The following PKN2 variants were observed in gnomAD, a reference collection of about 807,000 sequenced individuals.
PKN2 encodes the protein protein kinase N2.
A neutral mutation model predicts 119.1 loss-of-function variants in PKN2; 38 were observed. That is an observed-to-expected ratio of 0.32 (90% CI 0.25 to 0.42). The LOEUF is 0.42. PKN2 is among the 10% of genes least tolerant of loss of function. The probability of loss-of-function intolerance (pLI) is 1.00; values close to 1 mark genes in which losing one functional copy is unlikely to be tolerated. For missense variants in PKN2, 850 were observed against 1,165.1 expected (o/e 0.73, Z 3.94); for synonymous variants, 390 against 384.9 (o/e 1.01, Z -0.15).
intron 9 of PKN2, 95 bp downstream of exon 9, chr1:88,804,629 G>C (rs1223896453): frequency 8.0e-7 from 1 of 1,255,052 alleles, no homozygotes; most frequent in Non-Finnish European, 1.1e-6. Flanking sequence ...TAGGCTGAAA[G>C]ACAGATGACT....
At position 88,828,642 on chromosome 1, in the gene PKN2, G is replaced by T; in HGVS notation, c.2562+19G>T. ...TGGTGAGGTAAGCAGTGTGAAATAG[G>T]TAAGAGAACAGAGGAAGGATGATTG... On this transcript the variant is annotated intron_variant, in intron 19 of 21. Coordinates refer to ENST00000370521, the MANE Select transcript of PKN2 (RefSeq NM_006256.4). 1 of 1,590,038 alleles carries T rather than the reference G, an allele frequency of 6.3e-7. No individual in the cohort carries two copies. Among genetic ancestry groups the T allele is most frequent in the Non-Finnish European group, 8.6e-7 (1 of 1,162,026 alleles).
At chr1:88,828,679 C>T (rs947838098) in intron 19 of PKN2, 56 bp downstream of exon 19, 5 of 1,477,670 alleles carry the variant, frequency 3.4e-6, no homozygotes, top group Admixed American at 1.8e-5. Context: ...AATAATAAAG[C>T]ATGTCATTTA....
At chr1:88,779,988 A>G (rs1338503518) in intron 6 of PKN2, among the ~76,000 whole-genome samples, 1 of 152,200 alleles carries the variant, frequency 6.6e-6, no homozygotes. Context: ...TACTAGCTCA[A>G]GGTAGTTACA....
chr1:88,806,177 A>G (rs1671530296), intron 12 of PKN2, 160 bp downstream of exon 12: 1 of 666,976 alleles, frequency 1.5e-6, no homozygotes. Context: ...TTTTTGAGAC[A>G]GAGTTTCACT....
At chr1:88,816,393 C>T (rs576203500) in intron 16 of PKN2, among the ~76,000 whole-genome samples, 5 of 151,804 alleles carry the variant, frequency 3.3e-5, no homozygotes, top group African/African-American at 9.6e-5. Flanking sequence ...ACTACAGGCG[C>T]GTGCCACCAT....
rs1004026198 is a variant in PKN2, at chr1:88,741,262, T to C, written c.323T>C (p.Val108Ala). 8.8e-6 allele frequency: 14 copies of C among 1,586,824 alleles called. No individual in the cohort carries two copies. Among genetic ancestry groups the C allele is most frequent in the Non-Finnish European group, 1.2e-5 (14 of 1,170,686 alleles). ...HKLQELNAHI[V>A]VSDPEDITDC... is the part of the protein sequence containing the mutation. Reference sequence around the variant, plus strand: ...CTGCAGGAATTAAATGCACATATTGTTGTATCAGATCCAGAAGATATTACA... The same window carrying C: ...CTGCAGGAATTAAATGCACATATTGCTGTATCAGATCCAGAAGATATTACA... Residue 108 changes from valine (V) to alanine (A), a missense_variant, in exon 2 of 22, where the codon GTT becomes GCT. This residue lies in a region of PKN2 where 350 missense variants were observed against 511.1 expected (regional missense o/e 0.68). Coordinates refer to ENST00000370521, the MANE Select transcript of PKN2 (RefSeq NM_006256.4).
At chr1:88,769,982 G>T (rs1189501472) in intron 3 of PKN2, among the ~76,000 whole-genome samples, 2 of 152,186 alleles carry the variant, frequency 1.3e-5, no homozygotes, top group African/African-American at 4.8e-5. Context: ...AGGGGTAACT[G>T]TAGAAGGTGA....
intron 8 of PKN2, among the ~76,000 whole-genome samples, chr1:88,797,359 G>A (rs1671116792): frequency 6.7e-6 from 1 of 149,976 alleles, no homozygotes; most frequent in African/African-American, 2.4e-5. Flanking sequence ...GAAAGAAAAT[G>A]TCTTCCAGGT....
intron 1 of PKN2, among the ~76,000 whole-genome samples, chr1:88,719,686 T>A (rs1431597660): frequency 1.3e-5 from 2 of 152,098 alleles, no homozygotes; most frequent in African/African-American, 2.4e-5. Flanking sequence ...ACACTGGGAG[T>A]TTTTGTGATA....
chr1:88,811,739 A>G (rs1156695541), intron 15 of PKN2, among the ~76,000 whole-genome samples: 3 of 152,216 alleles, frequency 2.0e-5, no homozygotes, highest in Non-Finnish European at 4.4e-5. Context: ...CACCTCTAGG[A>G]TATATCCCAA....
intron 2 of PKN2, among the ~76,000 whole-genome samples, chr1:88,756,964 C>A (rs1669231228): frequency 6.6e-6 from 1 of 152,120 alleles, no homozygotes; most frequent in African/African-American, 2.4e-5. Context: ...CCCTGTATTA[C>A]ATGGTTTGTA....
At chr1:88,793,805 A>T (rs1278181008) in intron 8 of PKN2, among the ~76,000 whole-genome samples, 3 of 152,180 alleles carry the variant, frequency 2.0e-5, no homozygotes, top group African/African-American at 7.2e-5. Flanking sequence ...TATATAAATT[A>T]TTATACTGTA....
At chr1:88,813,080 AT>A (rs1671844157) in intron 15 of PKN2, among the ~76,000 whole-genome samples, 1 of 152,188 alleles carries the variant, frequency 6.6e-6, no homozygotes, top group South Asian at 2.1e-4. Flanking sequence ...TTAAAATTTT[AT>A]GCAGCATATC....
chr1:88,713,087 C>T (rs1331752117), intron 1 of PKN2, among the ~76,000 whole-genome samples: 2 of 152,176 alleles, frequency 1.3e-5, no homozygotes, highest in Non-Finnish European at 1.5e-5. Flanking sequence ...ATCCATGTCC[C>T]TACAAAGGAA....
chr1:88,702,937 A>T (rs1269452765), intron 1 of PKN2, among the ~76,000 whole-genome samples: 2 of 152,104 alleles, frequency 1.3e-5, no homozygotes, highest in Non-Finnish European at 2.9e-5. Context: ...TGATGCAGTG[A>T]TATTTTGTGT....
intron 1 of PKN2, among the ~76,000 whole-genome samples, chr1:88,739,927 C>T (rs1487431483): frequency 6.6e-6 from 1 of 151,950 alleles, no homozygotes; most frequent in East Asian, 1.9e-4. Flanking sequence ...GAGTACTTAG[C>T]CTTGAAGTAT....
intron 1 of PKN2, among the ~76,000 whole-genome samples, chr1:88,721,733 A>G (rs1667689423): frequency 6.6e-6 from 1 of 152,204 alleles, no homozygotes; most frequent in Non-Finnish European, 1.5e-5. Context: ...TTTTTTGCAT[A>G]GTAGGCTCAC....
intron 1 of PKN2, chr1:88,684,872 A>G (rs1666013936): frequency 2.2e-6 from 1 of 447,574 alleles, no homozygotes; most frequent in Non-Finnish European, 4.0e-6. Flanking sequence ...ACCAGAGGGG[A>G]CCCCATCTCT....
intron 1 of PKN2, among the ~76,000 whole-genome samples, chr1:88,692,327 A>G (rs115287883): frequency 0.019 from 2,959 of 152,212 alleles, 95 homozygotes; most frequent in African/African-American, 0.067. Flanking sequence ...CAAAGATCCT[A>G]TGGACAGTCT....
Sources: gnomAD v4.1 joint callset for allele counts (sites outside exome capture counted in the v4.1 genomes callset) on GRCh38, gnomAD v4.1.1 for gene constraint, gnomAD v4.1.1 regional missense constraint, MANE v1.5 for transcripts, NCBI Gene and HGNC (gene_info 2026-07-23, HGNC 2026-07-21) for gene names.